The following HS3ST4 variants were observed in gnomAD, a reference collection of about 807,000 sequenced individuals.
The protein encoded by HS3ST4 is heparan sulfate glucosamine 3-O-sulfotransferase 4.
In HS3ST4, 17 loss-of-function variants were observed where a neutral mutation model predicts 29.2. The ratio of observed to expected loss-of-function variants is 0.58; its 90% CI spans 0.40 to 0.87. The LOEUF (loss-of-function observed/expected upper bound fraction) is 0.87, where lower values mean the gene tolerates loss of function less well. Ranked by LOEUF, HS3ST4 falls within the 40% of genes least tolerant of loss-of-function variation. The probability of loss-of-function intolerance (pLI) is 0.00; values close to 1 mark genes in which losing one functional copy is unlikely to be tolerated. For missense variants in HS3ST4, 627 were observed against 634.5 expected, an observed-to-expected ratio of 0.99 and a Z score of 0.13; for synonymous variants, 314 against 285.7, an observed-to-expected ratio of 1.10 and a Z score of -1.00.
intron 1 of HS3ST4, among the ~76,000 whole-genome samples, chr16:25,840,155 G>A (rs749297289): frequency 6.6e-6 from 1 of 152,166 alleles, no homozygotes; most frequent in Non-Finnish European, 1.5e-5. Context: ...ATACTCACTG[G>A]TGCATGATTG....
chr16:26,051,623 C>T (rs1287632564), intron 1 of HS3ST4, among the ~76,000 whole-genome samples: 1 of 152,028 alleles, frequency 6.6e-6, no homozygotes, highest in South Asian at 2.1e-4. Context: ...CCTGTGTTCA[C>T]GCAAGGATTT....
chr16:25,877,082 T>A (rs1420730422), intron 1 of HS3ST4, among the ~76,000 whole-genome samples: 1 of 152,078 alleles, frequency 6.6e-6, no homozygotes, highest in African/African-American at 2.4e-5. Context: ...TTAATTTTAT[T>A]TCCTGCATCT....
chr16:25,697,994 T>C (rs1323853383), intron 1 of HS3ST4, among the ~76,000 whole-genome samples: 2 of 151,884 alleles, frequency 1.3e-5, no homozygotes, highest in Non-Finnish European at 2.9e-5. Context: ...TTCTACAAGG[T>C]TGCTAGATGC....
intron 1 of HS3ST4, among the ~76,000 whole-genome samples, chr16:25,828,513 G>A (rs1967259589): frequency 6.6e-6 from 1 of 151,632 alleles, no homozygotes; most frequent in African/African-American, 2.4e-5. Flanking sequence ...GCTAGTTTTT[G>A]TATTTTTAGT....
chr16:25,902,442 C>A (rs1968128436), intron 1 of HS3ST4, among the ~76,000 whole-genome samples: 2 of 152,016 alleles, frequency 1.3e-5, no homozygotes, highest in African/African-American at 4.8e-5. Flanking sequence ...GAGTTGTGAT[C>A]ATGACTGCAC....
chr16:25,764,928 A>G (rs1966808402), intron 1 of HS3ST4, among the ~76,000 whole-genome samples: 1 of 152,230 alleles, frequency 6.6e-6, no homozygotes, highest in Non-Finnish European at 1.5e-5. Context: ...GCAAGAGGCT[A>G]CCTTCTGATC....
Position 26,055,863 on chromosome 16 carries a change from G to A in HS3ST4, c.735-79749G>A, listed in dbSNP as rs946308318. Among the ~76,000 whole-genome samples, 17 of 152,222 alleles carry A rather than the reference G, an allele frequency of 1.1e-4. No homozygotes were observed. The East Asian group carries it at 3.3e-3, about 29-fold the overall frequency. On this transcript the variant is annotated intron_variant, in intron 1 of 1. Coordinates refer to ENST00000331351, the MANE Select transcript of HS3ST4 (RefSeq NM_006040.3). ...ACCGTCTGATGGATTTGATTCATTT[G>A]GGCAGTGAAGCTTTGCAGTTTGGGC...
intron 1 of HS3ST4, among the ~76,000 whole-genome samples, chr16:25,754,562 AT>A (rs573171906): frequency 4.0e-4 from 61 of 152,162 alleles, no homozygotes; most frequent in African/African-American, 1.4e-3. Flanking sequence ...AGGGGTTTTA[AT>A]TGACTCACAA....
intron 1 of HS3ST4, chr16:26,062,811 G>T: frequency 3.6e-6 from 1 of 276,072 alleles, no homozygotes; most frequent in Non-Finnish European, 7.3e-6. Context: ...CTGTCACCTA[G>T]CACCACTTTG....
Position 26,019,005 on chromosome 16 carries a change from C to T in HS3ST4, c.735-116607C>T, listed in dbSNP as rs559156846. On this transcript the variant is annotated intron_variant, in intron 1 of 1. Transcript: ENST00000331351. Reference sequence around the variant, plus strand: ...CCTGCCACTATGTGACTTTGCAATCCCTGCTCTATACTCTGTTACCTCTAA... The same window carrying T: ...CCTGCCACTATGTGACTTTGCAATCTCTGCTCTATACTCTGTTACCTCTAA... Among the ~76,000 whole-genome samples, 7 of 152,144 alleles carry T rather than the reference C, an allele frequency of 4.6e-5. No individual in the cohort carries two copies. The East Asian group carries it at 1.4e-3, about 29-fold the overall frequency.
At chr16:25,725,807 A>G (rs1043683006) in intron 1 of HS3ST4, among the ~76,000 whole-genome samples, 4 of 151,354 alleles carry the variant, frequency 2.6e-5, no homozygotes, top group African/African-American at 9.7e-5. Flanking sequence ...CATATATTTA[A>G]TTATTGGTAT....
intron 1 of HS3ST4, among the ~76,000 whole-genome samples, chr16:25,930,172 A>G (rs1032108193): frequency 2.6e-5 from 4 of 152,158 alleles, no homozygotes; most frequent in African/African-American, 9.7e-5. Context: ...TCCATGGTGT[A>G]TATGTACCAC....
chr16:26,063,543 A>G (rs1272734613), intron 1 of HS3ST4, among the ~76,000 whole-genome samples: 1 of 151,890 alleles, frequency 6.6e-6, no homozygotes, highest in Non-Finnish European at 1.5e-5. Context: ...AAAAACCATT[A>G]AAAATTAGCT....
intron 1 of HS3ST4, among the ~76,000 whole-genome samples, chr16:26,109,719 T>G (rs1483379716): frequency 1.3e-4 from 1 of 7,894 alleles, no homozygotes; most frequent in Non-Finnish European, 4.8e-4. Flanking sequence ...ATACTCACTG[T>G]TTTTTTTTTT....
chr16:25,810,783 C>T (rs181337879), intron 1 of HS3ST4, among the ~76,000 whole-genome samples: 7 of 152,244 alleles, frequency 4.6e-5, no homozygotes, highest in Non-Finnish European at 8.8e-5. Flanking sequence ...CTTTCTCAAG[C>T]TGTGTTTTCC....
intron 1 of HS3ST4, among the ~76,000 whole-genome samples, chr16:26,121,290 T>G (rs6497926): frequency 0.71 from 107,716 of 152,016 alleles, 39,495 homozygotes; most frequent in African/African-American, 0.9. Flanking sequence ...AATAAGTGAT[T>G]TTCTGGACAT....
chr16:25,793,107 G>A (rs1966873511), intron 1 of HS3ST4, among the ~76,000 whole-genome samples: 1 of 151,646 alleles, frequency 6.6e-6, no homozygotes, highest in African/African-American at 2.4e-5. Flanking sequence ...ATCAACCTGT[G>A]GCTTAATTCT....
At chr16:25,710,853 G>A (rs1420417998) in intron 1 of HS3ST4, among the ~76,000 whole-genome samples, 8 of 103,258 alleles carry the variant, frequency 7.7e-5, no homozygotes, top group East Asian at 6.7e-4. Flanking sequence ...ATCTTGCTTC[G>A]TCACTCAGGC....
At chr16:25,729,074 C>T (rs1333216132) in intron 1 of HS3ST4, among the ~76,000 whole-genome samples, 1 of 151,700 alleles carries the variant, frequency 6.6e-6, no homozygotes, top group African/African-American at 2.4e-5. Context: ...CGGAACAAGA[C>T]CTTATCTTGA....
Sources: allele counts gnomAD v4.1 joint callset (sites outside exome capture counted in the v4.1 genomes callset), GRCh38; gene constraint gnomAD v4.1.1; transcripts MANE v1.5; gene names NCBI Gene and HGNC (gene_info 2026-07-23, HGNC 2026-07-21).